Variants in GALNTL6 observed in about 807,000 individuals in gnomAD.
GALNTL6 encodes the protein polypeptide N-acetylgalactosaminyltransferase-like 6.
GALNTL6 carries 46 observed loss-of-function variants against 73.7 expected under a neutral mutation model. That is an observed-to-expected ratio of 0.62 (90% CI 0.49 to 0.80). GALNTL6 has a LOEUF of 0.80. GALNTL6 is among the 30% of genes least tolerant of loss of function. GALNTL6 has a pLI of 0.00. For synonymous variants in GALNTL6, 259 were observed against 263.7 expected (o/e 0.98, Z 0.17); for missense variants, 604 against 755.0 (o/e 0.80, Z 2.34).
rs372865430 is a variant in GALNTL6 at position 172,607,812 on chromosome 4, A to C, written c.554-201549A>C. Among the ~76,000 whole-genome samples, 108 of 152,056 alleles carry C rather than the reference A, an allele frequency of 7.1e-4. 3 individuals are homozygous for C. The East Asian group carries it at 0.019, about 26-fold the overall frequency. On this transcript the variant is annotated intron_variant, in intron 5 of 12. Coordinates refer to ENST00000506823, the MANE Select transcript of GALNTL6 (RefSeq NM_001034845.3). The stretch of plus-strand genomic sequence containing the variant: ...TCTAACTGGTGTGAGATGGTATCTC[A>C]CTGTGGTTTTGATTTGCATTTCTCC...
intron 2 of GALNTL6, among the ~76,000 whole-genome samples, chr4:172,048,821 A>G (rs557426334): frequency 7.6e-4 from 115 of 152,108 alleles, no homozygotes; most frequent in Non-Finnish European, 1.5e-3. Context: ...GCAGAGCACA[A>G]TGCTCCAATT....
chr4:173,018,713 G>A (rs1327013901), intron 11 of GALNTL6, among the ~76,000 whole-genome samples: 1 of 152,198 alleles, frequency 6.6e-6, no homozygotes, highest in Non-Finnish European at 1.5e-5. Context: ...ACGTGAACAC[G>A]GCACAGAAGG....
chr4:172,464,743 T>G lies in GALNTL6; in HGVS notation c.553+116054T>G, dbSNP rs561767869. 2.0e-5 allele frequency among the ~76,000 whole-genome samples: 3 copies of G among 152,006 alleles called. No individual in the cohort carries two copies. In the East Asian group the frequency reaches 5.8e-4, roughly 29 times the overall value. ...AATAATAATAATAATAATTTCAAGC[T>G]GAATGAAATTTCTTTAAGTTATATT... is the stretch of plus-strand genomic sequence containing the variant. On this transcript the variant is annotated intron_variant, in intron 5 of 12. Transcript: ENST00000506823.
intron 2 of GALNTL6, among the ~76,000 whole-genome samples, chr4:171,896,500 A>C (rs1736921301): frequency 6.6e-6 from 1 of 152,178 alleles, no homozygotes; most frequent in Middle Eastern, 3.2e-3. Context: ...ACAACAATTT[A>C]TTTCTCACGG....
intron 4 of GALNTL6, among the ~76,000 whole-genome samples, chr4:172,337,752 T>C (rs568947319): frequency 2.8e-4 from 42 of 150,698 alleles, no homozygotes; most frequent in African/African-American, 9.7e-4. Context: ...ATATGCCTGG[T>C]GATGTTTATT....
intron 12 of GALNTL6, among the ~76,000 whole-genome samples, chr4:173,030,244 G>A (rs1753401469): frequency 6.6e-6 from 1 of 152,192 alleles, no homozygotes; most frequent in Admixed American, 6.5e-5. Flanking sequence ...CTAACTCTCA[G>A]GAGGACTATA....
At chr4:171,828,013 T>C (rs1734870755) in intron 2 of GALNTL6, among the ~76,000 whole-genome samples, 1 of 152,082 alleles carries the variant, frequency 6.6e-6, no homozygotes, top group Non-Finnish European at 1.5e-5. Flanking sequence ...TGTGCTACCA[T>C]AAAAATACAC....
chr4:171,820,509 A>T (rs1471245811), intron 2 of GALNTL6, among the ~76,000 whole-genome samples: 1 of 152,046 alleles, frequency 6.6e-6, no homozygotes, highest in Non-Finnish European at 1.5e-5. Flanking sequence ...AATCCACCCA[A>T]CTGTTTTGTT....
At chr4:172,148,858 A>G (rs879480545) in intron 2 of GALNTL6, among the ~76,000 whole-genome samples, 14 of 152,228 alleles carry the variant, frequency 9.2e-5, no homozygotes, top group Non-Finnish European at 2.1e-4. Context: ...ATTACTTTAC[A>G]TAGTAACTGT....
chr4:172,454,969 T>A (rs186357722), intron 5 of GALNTL6, among the ~76,000 whole-genome samples: 1 of 152,254 alleles, frequency 6.6e-6, no homozygotes, highest in East Asian at 1.9e-4. Context: ...CCCAGCAAGA[T>A]CAATGCAGAA....
intron 2 of GALNTL6, among the ~76,000 whole-genome samples, chr4:171,936,180 G>A (rs189731378): frequency 2.0e-5 from 3 of 152,206 alleles, no homozygotes; most frequent in East Asian, 3.9e-4. Flanking sequence ...ATAATCAAAT[G>A]TCCCTTTTTG....
At position 172,852,402 on chromosome 4, in the gene GALNTL6, ACATT is replaced by A. The variant is rs2111112580; in HGVS notation, c.924-30387_924-30384del. On this transcript the variant is annotated intron_variant, in intron 7 of 12. Coordinates refer to ENST00000506823, the MANE Select transcript of GALNTL6 (RefSeq NM_001034845.3). ...AATTAGCAGGCCAAGACTTGGAAAT[ACATT>A]ACCTCTGCCCACATCCCGTTGACTT... Among the ~76,000 whole-genome samples the A allele has an allele frequency of 2.0e-5, 3 of 152,272 alleles. No homozygotes were observed. In the East Asian group the frequency reaches 5.8e-4, roughly 29 times the overall value.
At chr4:172,767,658 A>ATTT (rs10716905) in intron 5 of GALNTL6, among the ~76,000 whole-genome samples, 3 of 106,430 alleles carry the variant, frequency 2.8e-5, no homozygotes, top group Non-Finnish European at 5.7e-5. Flanking sequence ...TCAAGAACTG[A>ATTT]TTTTTTTTCT....
chr4:171,844,724 A>T (rs1735326976), intron 2 of GALNTL6, among the ~76,000 whole-genome samples: 1 of 152,176 alleles, frequency 6.6e-6, no homozygotes. Context: ...ATGATTCCCC[A>T]AGAACAAATA....
chr4:172,563,381 A>G (rs565658376), intron 5 of GALNTL6, among the ~76,000 whole-genome samples: 54 of 152,332 alleles, frequency 3.5e-4, no homozygotes, highest in African/African-American at 1.1e-3. Flanking sequence ...CTTCACTTCA[A>G]TGAAACCACT....
At chr4:172,495,831 TAG>T (rs1331982984) in intron 5 of GALNTL6, among the ~76,000 whole-genome samples, 1 of 152,166 alleles carries the variant, frequency 6.6e-6, no homozygotes, top group Non-Finnish European at 1.5e-5. Context: ...GTAGCAAGAC[TAG>T]AGTTTCAAAT....
intron 5 of GALNTL6, among the ~76,000 whole-genome samples, chr4:172,488,104 C>T (rs905433720): frequency 6.6e-6 from 1 of 152,196 alleles, no homozygotes. Flanking sequence ...ATAGACTAAA[C>T]CCGTGGAGGT....
intron 9 of GALNTL6, among the ~76,000 whole-genome samples, chr4:172,937,326 A>G (rs1748673192): frequency 1.3e-5 from 2 of 152,204 alleles, no homozygotes; most frequent in South Asian, 4.1e-4. Flanking sequence ...TTGATTTGCT[A>G]CACTGTGCAC....
chr4:172,582,075 C>G (rs574165577), intron 5 of GALNTL6, among the ~76,000 whole-genome samples: 65 of 152,280 alleles, frequency 4.3e-4, no homozygotes, highest in African/African-American at 1.5e-3. Context: ...TGGCTGTCAG[C>G]TAGAGCATGA....
Sources: gnomAD v4.1 joint callset for allele counts (sites outside exome capture counted in the v4.1 genomes callset) on GRCh38, gnomAD v4.1.1 for gene constraint, MANE v1.5 for transcripts, NCBI Gene and HGNC (gene_info 2026-07-23, HGNC 2026-07-21) for gene names.